CLIC6: variants seen among roughly 807,000 people sequenced by gnomAD.
The protein encoded by CLIC6 is CLIC family member 6.
A neutral mutation model predicts 49.2 loss-of-function variants in CLIC6; 39 were observed. That is an observed-to-expected ratio of 0.79 (90% CI 0.61 to 1.04). The LOEUF (loss-of-function observed/expected upper bound fraction) is 1.04. Ranked by LOEUF, CLIC6 falls within the 50% of genes least tolerant of loss-of-function variation. The pLI is 0.00. For missense variants in CLIC6, 988 were observed against 993.1 expected (o/e 0.99, Z 0.07); for synonymous variants, 446 against 433.4 (o/e 1.03, Z -0.36).
At chr21:34,703,869 C>A (rs145614324) in intron 1 of CLIC6, among the ~76,000 whole-genome samples, 1,900 of 152,214 alleles carry the variant, frequency 0.012, 32 homozygotes, top group African/African-American at 0.038. Context: ...TTCTTTCTTT[C>A]GAGAATTACC....
chr21:34,670,950 G>C (rs1989552683), intron 1 of CLIC6, among the ~76,000 whole-genome samples, 188 bp downstream of exon 1: 2 of 151,750 alleles, frequency 1.3e-5, no homozygotes. Context: ...GGGCATTTGC[G>C]GGAGGACTCA....
chr21:34,676,171 C>T (rs557401740), intron 1 of CLIC6, among the ~76,000 whole-genome samples: 1 of 152,182 alleles, frequency 6.6e-6, no homozygotes, highest in Non-Finnish European at 1.5e-5. Flanking sequence ...CCACAGAAAA[C>T]CTTCAGAAAT....
In CLIC6 at chr21:34,670,684, G is replaced by C; in HGVS notation, c.1296G>C (p.Val432=). Residue 432 remains valine, a synonymous_variant, in exon 1 of 6, where the codon GTG becomes GTC. Coordinates refer to ENST00000349499, the MANE Select transcript of CLIC6 (RefSeq NM_053277.3). ...PAEGSGEAAR[V]NGRREDGEAS... is the part of the protein sequence containing the mutation. ...AGGGTAGCGGCGAGGCCGCGCGCGT[G>C]AACGGCCGCCGGGAGGACGGAGAGG... is the stretch of plus-strand genomic sequence containing the variant. The C allele has an allele frequency of 1.9e-6, 3 of 1,579,468 alleles. No individual in the cohort carries two copies. Among genetic ancestry groups the C allele is most frequent in the Non-Finnish European group, 2.6e-6 (3 of 1,166,592 alleles).
intron 1 of CLIC6, among the ~76,000 whole-genome samples, chr21:34,701,842 TA>T (rs1371248393): frequency 6.6e-6 from 1 of 152,216 alleles, no homozygotes; most frequent in Non-Finnish European, 1.5e-5. Context: ...CATTTTAAGT[TA>T]TAACCATCAG....
chr21:34,686,214 T>A (rs1286806595), intron 1 of CLIC6, among the ~76,000 whole-genome samples: 1 of 152,120 alleles, frequency 6.6e-6, no homozygotes, highest in Non-Finnish European at 1.5e-5. Context: ...CCAGCCTGGC[T>A]AACATGGTGA....
chr21:34,708,021 A>T lies in CLIC6; in HGVS notation c.1562A>T (p.Asp521Val), dbSNP rs1344993906. 6.2e-7 allele frequency: 1 copy of T among 1,613,988 alleles called. No homozygotes were observed. The highest frequency in any genetic ancestry group is 8.5e-7 in the Non-Finnish European group (1 of 1,179,986). ...ACTTTTGATGGTGAAGTCAAGACGG[A>T]TGTGAATAAGATCGAGGAGTTCTTA... is the stretch of plus-strand genomic sequence containing the variant. ...FMTFDGEVKT[D>V]VNKIEEFLEE... The change falls in exon 3 of 6, where the codon GAT becomes GTT. Residue 521 changes from aspartate (D) to valine (V), a missense_variant. This residue lies in a region of CLIC6 where 647 missense variants were observed against 596.9 expected (regional missense o/e 1.08). Coordinates refer to ENST00000349499, the MANE Select transcript of CLIC6 (RefSeq NM_053277.3).
chr21:34,711,125 G>T (rs1247848344), intron 5 of CLIC6, among the ~76,000 whole-genome samples: 1 of 152,216 alleles, frequency 6.6e-6, no homozygotes, highest in Non-Finnish European at 1.5e-5. Flanking sequence ...TTAAAATCCT[G>T]CCAGGGCCAG....
intron 1 of CLIC6, among the ~76,000 whole-genome samples, chr21:34,694,360 A>G (rs57643202): frequency 0.015 from 2,302 of 151,892 alleles, 64 homozygotes; most frequent in African/African-American, 0.053. Context: ...GTGCGGTAGT[A>G]GAGCAGTGTG....
intron 5 of CLIC6, among the ~76,000 whole-genome samples, chr21:34,712,570 CCTTGTTGAG>C (rs2056063588): frequency 6.6e-6 from 1 of 152,026 alleles, no homozygotes; most frequent in Non-Finnish European, 1.5e-5. Context: ...CTATAGAGAC[CCTTGTTGAG>C]CTGAGATCTC....
chr21:34,694,716 A>G (rs1371805858), intron 1 of CLIC6, among the ~76,000 whole-genome samples: 1 of 152,086 alleles, frequency 6.6e-6, no homozygotes, highest in Non-Finnish European at 1.5e-5. Flanking sequence ...TTTATAAATT[A>G]CCCCATCTCA....
intron 1 of CLIC6, among the ~76,000 whole-genome samples, chr21:34,675,986 G>A (rs1359622779): frequency 6.7e-6 from 1 of 148,332 alleles, no homozygotes; most frequent in Non-Finnish European, 1.5e-5. Context: ...ACACATCACA[G>A]CTCCCGTCTC....
At chr21:34,680,530 G>T (rs541484993) in intron 1 of CLIC6, among the ~76,000 whole-genome samples, 171 of 152,316 alleles carry the variant, frequency 1.1e-3, no homozygotes, top group Non-Finnish European at 1.7e-3. Context: ...CAGAAAATTG[G>T]TTTTTCTTTT....
chr21:34,684,628 C>T, intron 1 of CLIC6, among the ~76,000 whole-genome samples: 1 of 152,192 alleles, frequency 6.6e-6, no homozygotes, highest in East Asian at 1.9e-4. Context: ...TGTTTACAGA[C>T]CTTGACTTTG....
chr21:34,701,946 C>A (rs575483418), intron 1 of CLIC6, among the ~76,000 whole-genome samples: 5 of 151,938 alleles, frequency 3.3e-5, no homozygotes, highest in African/African-American at 1.2e-4. Context: ...TCTCCTCCTC[C>A]CGTAGATGTG....
intron 1 of CLIC6, among the ~76,000 whole-genome samples, chr21:34,684,984 C>T (rs1159320625): frequency 1.3e-5 from 2 of 152,170 alleles, no homozygotes; most frequent in African/African-American, 4.8e-5. Flanking sequence ...GCAGTTGGGT[C>T]CTTTTCCATA....
Position 34,670,157 on chromosome 21 carries a change from G to T in CLIC6, c.769G>T (p.Gly257Trp). Residue 257 changes from glycine (G) to tryptophan (W), a missense_variant, in exon 1 of 6, where the codon GGG becomes TGG. By Grantham distance (184) the Gly-to-Trp change is radical. Transcript: ENST00000349499. Reference protein sequence around the residue: ...GDSVEAGDPAGDGVEAGVPAG... With the variant: ...GDSVEAGDPAWDGVEAGVPAG... ...CAGCGTAGAGGCGGGGGACCCGGCG[G>T]GGGACGGCGTAGAAGCGGGGGTCCC... is the stretch of plus-strand genomic sequence containing the variant. 1 of 1,391,412 alleles carries T rather than the reference G, an allele frequency of 7.2e-7. No homozygotes were observed. Among genetic ancestry groups the T allele is most frequent in the Non-Finnish European group, 9.3e-7 (1 of 1,079,930 alleles). 86.2% of individuals were successfully genotyped at this position (1,391,412 alleles called of 1,614,324 possible).
intron 1 of CLIC6, among the ~76,000 whole-genome samples, chr21:34,686,906 A>G (rs1989892426): frequency 6.6e-6 from 1 of 152,236 alleles, no homozygotes; most frequent in African/African-American, 2.4e-5. Flanking sequence ...AGAGCAGCCC[A>G]TCTGCCAGCT....
chr21:34,709,234 C>T (rs533809797), intron 4 of CLIC6, 123 bp from the exon 5 acceptor site: 20 of 782,540 alleles, frequency 2.6e-5, no homozygotes, highest in Non-Finnish European at 4.0e-5. Flanking sequence ...CTGCTGCCTT[C>T]CCAGCACCCA....
At chr21:34,681,401 C>A (rs1240279190) in intron 1 of CLIC6, among the ~76,000 whole-genome samples, 6 of 152,182 alleles carry the variant, frequency 3.9e-5, no homozygotes, top group Non-Finnish European at 7.3e-5. Flanking sequence ...CAGAGCCAAA[C>A]CTTATCAGTT....
Sources: allele counts gnomAD v4.1 joint callset (sites outside exome capture counted in the v4.1 genomes callset), GRCh38; gene constraint gnomAD v4.1.1; regional missense constraint gnomAD v4.1.1; transcripts MANE v1.5; gene names NCBI Gene and HGNC (gene_info 2026-07-23, HGNC 2026-07-21).